The following HNRNPU variants were observed in gnomAD, a reference collection of about 807,000 sequenced individuals.
The protein encoded by HNRNPU is heterogeneous nuclear ribonucleoprotein U, also known as HNRNPU antisense RNA 1.
A neutral mutation model predicts 94.7 loss-of-function variants in HNRNPU; 5 were observed. The ratio of observed to expected loss-of-function variants is 0.05; its 90% CI spans 0.03 to 0.11. The LOEUF (loss-of-function observed/expected upper bound fraction) is 0.11. Ranked by LOEUF, HNRNPU falls within the 10% of genes least tolerant of loss-of-function variation. The pLI, the probability that HNRNPU is intolerant of heterozygous loss-of-function variation, is 1.00. For synonymous variants in HNRNPU, 434 were observed against 381.6 expected (o/e 1.14, Z -1.60); for missense variants, 710 against 1,049.2 (o/e 0.68, Z 4.47).
At chr1:244,855,240 G>A (rs900404122) in intron 12 of HNRNPU, 184 bp downstream of exon 12, 6 of 729,512 alleles carry the variant, frequency 8.2e-6, no homozygotes, top group African/African-American at 5.3e-5. Context: ...CATCTGACTT[G>A]TTTAGTACAC....
rs762286263 is a variant in HNRNPU, at chr1:244,864,327, C to T, written c.-20G>A. The T allele has an allele frequency of 1.9e-6, 3 of 1,609,232 alleles. No homozygotes were observed. The highest frequency in any genetic ancestry group is 1.7e-4 in the Middle Eastern group (1 of 6,048). On this transcript the variant is annotated 5_prime_UTR_variant, in exon 1 of 14. Transcript: ENST00000640218. ...ACTCATGGTGAGGGCCCCGATTCAC[C>T]GCTAGGCGCTGCCTCAAACTCGGCT...
In HNRNPU at chr1:244,864,507, G is replaced by GAGACTCGC; in HGVS notation, c.-208_-201dup. On this transcript the variant is annotated 5_prime_UTR_variant, in exon 1 of 14. Coordinates refer to ENST00000640218, the MANE Select transcript of HNRNPU (RefSeq NM_031844.3). Reference sequence around the variant, plus strand: ...TCACCGAGTTCGCGAGGGAGACGCGGAGACTCGCCTGGCGCGAGCGAGCAC... The same window carrying GAGACTCGC: ...TCACCGAGTTCGCGAGGGAGACGCGGAGACTCGCAGACTCGCCTGGCGCGAGCGAGCAC... The GAGACTCGC allele has an allele frequency of 1.1e-6, 1 of 878,050 alleles. No homozygotes were observed. The highest frequency in any genetic ancestry group is 1.6e-6 in the Non-Finnish European group (1 of 606,196). 54.4% of individuals were successfully genotyped at this position (878,050 alleles called of 1,614,324 possible).
At position 244,856,983 on chromosome 1, in the gene HNRNPU, T is replaced by C. The variant is rs1874393; in HGVS notation, c.1615-127A>G. 0.15 allele frequency: 111,731 copies of C among 765,468 alleles called. 9,153 individuals carry two copies. Among genetic ancestry groups the C allele is most frequent in the Middle Eastern group, 0.29 (976 of 3,318 alleles). 47.4% of individuals were successfully genotyped at this position (765,468 alleles called of 1,614,324 possible). A position where few individuals can be genotyped will look rare whatever the true frequency, so the allele number is the denominator to read the frequency against. On this transcript the variant is annotated intron_variant, in intron 8 of 13. Transcript: ENST00000640218. Reference sequence around the variant, plus strand: ...ATAATTTAAATATTACCTTTGTCCATTATTGCTACAAAAACAGGGTCACTT... The same window carrying C: ...ATAATTTAAATATTACCTTTGTCCACTATTGCTACAAAAACAGGGTCACTT...
chr1:244,851,968 A>C lies in HNRNPU; in HGVS notation c.*2482T>G, dbSNP rs1680560553. ...CTCAGCATGTGTTATTCTACTTTAA[A>C]ATATAACCTTAGTGAAAGCACCCTT... On this transcript the variant is annotated 3_prime_UTR_variant, in exon 14 of 14. Coordinates refer to ENST00000640218, the MANE Select transcript of HNRNPU (RefSeq NM_031844.3). The C allele has an allele frequency of 1.3e-5, 2 of 152,152 alleles. No homozygotes were observed. The highest frequency in any genetic ancestry group is 2.9e-5 in the Non-Finnish European group (2 of 68,024). The allele number at this position is 152,152 out of a possible 1,614,324, so 9.4% of individuals were successfully genotyped here.
Position 244,864,329 on chromosome 1 carries a change from C to A in HNRNPU, c.-22G>T. ...TCATGGTGAGGGCCCCGATTCACCG[C>A]TAGGCGCTGCCTCAAACTCGGCTCC... is the stretch of plus-strand genomic sequence containing the variant. On this transcript the variant is annotated 5_prime_UTR_variant, in exon 1 of 14. Transcript: ENST00000640218. 2 of 1,608,952 alleles carry A rather than the reference C, an allele frequency of 1.2e-6. No individual in the cohort carries two copies. Among genetic ancestry groups the A allele is most frequent in the Non-Finnish European group, 8.5e-7 (1 of 1,178,780 alleles).
chr1:244,863,958 T>C lies in HNRNPU; in HGVS notation c.350A>G (p.Asp117Gly), dbSNP rs755321884. ...CTCCTCCTCCTCCATCGGGCCCGAGTCGGCCGCCCCCGCGGCCCCGTTCTC... is the reference window on the plus strand; with the variant it reads ...CTCCTCCTCCTCCATCGGGCCCGAGCCGGCCGCCCCCGCGGCCCCGTTCTC... The part of the protein sequence containing the change: ...GEENGAAGAA[D>G]SGPMEEEEAA... The change falls in exon 1 of 14, where the codon GAC becomes GGC. Residue 117 changes from aspartate to glycine, a missense_variant. By Grantham distance (94) the Asp-to-Gly change is moderately conservative (BLOSUM62 -1). This residue lies in a region of HNRNPU where 292 missense variants were observed against 293.4 expected (regional missense o/e 1.00). Transcript: ENST00000640218. 6.2e-7 allele frequency: 1 copy of C among 1,613,290 alleles called. No homozygotes were observed. Among genetic ancestry groups the C allele is most frequent in the Non-Finnish European group, 8.5e-7 (1 of 1,179,778 alleles).
intron 1 of HNRNPU, 105 bp downstream of exon 1, chr1:244,863,512 T>A (rs1304634088): frequency 2.2e-4 from 142 of 655,644 alleles, no homozygotes; most frequent in Middle Eastern, 1.3e-3. Context: ...CGCGGCGCCC[T>A]CCCGCCCGGG....
In HNRNPU at chr1:244,859,016, T is replaced by C. The variant is rs1440031550; in HGVS notation, c.1118-175A>G. The C allele has an allele frequency of 5.1e-6, 3 of 591,384 alleles. No homozygotes were observed. In the East Asian group the frequency reaches 8.4e-5, roughly 17 times the overall value. 36.6% of individuals were successfully genotyped at this position (591,384 alleles called of 1,614,324 possible). On this transcript the variant is annotated intron_variant, in intron 5 of 13. Transcript: ENST00000640218. The stretch of plus-strand genomic sequence containing the variant: ...GAATTGATGGAAGTTAGGAGGGATA[T>C]ATACGCAGAGACCAAATTAGTTGAC...
At chr1:244,858,480 C>CTAGAA (rs1273339485) in intron 6 of HNRNPU, 2 of 610,890 alleles carry the variant, frequency 3.3e-6, no homozygotes, top group Non-Finnish European at 5.7e-6. Context: ...CAATACTGAC[C>CTAGAA]TAGAAGCTAG....
At chr1:244,855,299 A>G (rs1680648235) in intron 12 of HNRNPU, 125 bp downstream of exon 12, 12 of 976,856 alleles carry the variant, frequency 1.2e-5, no homozygotes, top group Middle Eastern at 3.4e-4. Context: ...TACTAGTTCA[A>G]TTTTCCTTAT....
chr1:244,864,411 T>C lies in HNRNPU; in HGVS notation c.-104A>G. On this transcript the variant is annotated 5_prime_UTR_variant, in exon 1 of 14. Coordinates refer to ENST00000640218, the MANE Select transcript of HNRNPU (RefSeq NM_031844.3). ...GCTGCTCCTCGGCCCGGGCGGCGGC[T>C]GCGGCTGCGGCTGGAGATGGGTTCG... The C allele has an allele frequency of 3.9e-6, 6 of 1,553,128 alleles. No individual in the cohort carries two copies. Among genetic ancestry groups the C allele is most frequent in the Non-Finnish European group, 5.2e-6 (6 of 1,152,112 alleles).
At chr1:244,861,414 T>C (rs1270257305) in intron 3 of HNRNPU, 1 of 152,316 alleles carries the variant, frequency 6.6e-6, no homozygotes, top group Non-Finnish European at 1.5e-5. Context: ...AACTTATTTA[T>C]ACAACCCAGA....
chr1:244,857,960 C>G (rs370030423), intron 7 of HNRNPU, 51 bp downstream of exon 7: 2 of 1,525,386 alleles, frequency 1.3e-6, no homozygotes, highest in African/African-American at 1.4e-5. Context: ...TCATTTTGTG[C>G]CAGGCAAGCA....
At position 244,853,587 on chromosome 1, in the gene HNRNPU, T is replaced by A. The variant is rs1034961867; in HGVS notation, c.*863A>T. 6.6e-6 allele frequency: 1 copy of A among 152,572 alleles called. No homozygotes were observed. Among genetic ancestry groups the A allele is most frequent in the Admixed American group, 6.5e-5 (1 of 15,268 alleles). 9.5% of individuals were successfully genotyped at this position (152,572 alleles called of 1,614,324 possible). A position where few individuals can be genotyped will look rare whatever the true frequency, so the allele number is the denominator to read the frequency against. ...AGTTAACTACTACAAGCACACTAGT[T>A]ATACAGTATTTTGTGGGAGAAGGGC... On this transcript the variant is annotated 3_prime_UTR_variant, in exon 14 of 14. Coordinates refer to ENST00000640218, the MANE Select transcript of HNRNPU (RefSeq NM_031844.3).
chr1:244,862,912 T>G (rs1680877155), intron 1 of HNRNPU, 182 bp from the exon 2 acceptor site: 2 of 619,412 alleles, frequency 3.2e-6, no homozygotes. Flanking sequence ...TGACGCAGTC[T>G]AAAGACATTA....
chr1:244,860,707 C>G (rs1056412748), intron 3 of HNRNPU: 2 of 560,472 alleles, frequency 3.6e-6, no homozygotes, highest in Non-Finnish European at 6.3e-6. Flanking sequence ...CAAGGTTTAA[C>G]ATGTATATTT....
At chr1:244,862,784 C>T (rs754901431) in intron 1 of HNRNPU, 54 bp from the exon 2 acceptor site, 1 of 1,353,126 alleles carries the variant, frequency 7.4e-7, no homozygotes, top group Non-Finnish European at 1.1e-6. Context: ...CAAAAAAACG[C>T]TTTTCCGTTC....
Position 244,854,421 on chromosome 1 carries a change from A to T in HNRNPU, c.*29T>A. Reference sequence around the variant, plus strand: ...GACTTCTTGTGAAGGTTTTGGAGAAATATGTATCAGTTCGTTTTATTTGGG... The same window carrying T: ...GACTTCTTGTGAAGGTTTTGGAGAATTATGTATCAGTTCGTTTTATTTGGG... On this transcript the variant is annotated 3_prime_UTR_variant, in exon 14 of 14. Coordinates refer to ENST00000640218, the MANE Select transcript of HNRNPU (RefSeq NM_031844.3). 6.9e-7 allele frequency: 1 copy of T among 1,440,254 alleles called. No homozygotes were observed. The highest frequency in any genetic ancestry group is 1.2e-5 in the South Asian group (1 of 86,882). The allele number at this position is 1,440,254 out of a possible 1,614,324, so 89.2% of individuals were successfully genotyped here. A position where few individuals can be genotyped will look rare whatever the true frequency, so the allele number is the denominator to read the frequency against.
At chr1:244,863,412 ACACACACACGCGCGCG>A (rs1310032332) in intron 1 of HNRNPU, among the ~76,000 whole-genome samples, 189 bp downstream of exon 1, 1 of 143,878 alleles carries the variant, frequency 7.0e-6, no homozygotes, top group Non-Finnish European at 1.5e-5. Flanking sequence ...ACACACACAC[ACACACACACGCGCGCG>A]CGCACACACA....
Sources: gnomAD v4.1 joint callset for allele counts (sites outside exome capture counted in the v4.1 genomes callset) on GRCh38, gnomAD v4.1.1 for gene constraint, gnomAD v4.1.1 regional missense constraint, MANE v1.5 for transcripts, NCBI Gene and HGNC (gene_info 2026-07-23, HGNC 2026-07-21) for gene names.